The following ZNF462 variants were observed in gnomAD, a reference collection of about 807,000 sequenced individuals.
ZNF462 encodes zinc finger PBX1-interacting protein.
In ZNF462, 10 loss-of-function variants were observed where a neutral mutation model predicts 201.9. That is an observed-to-expected ratio of 0.05 (90% confidence interval 0.03 to 0.08). ZNF462 has a LOEUF of 0.08. ZNF462 is among the 10% of genes least tolerant of loss of function. The probability of loss-of-function intolerance (pLI) is 1.00; values close to 1 mark genes in which losing one functional copy is unlikely to be tolerated. For synonymous variants in ZNF462, 1,227 were observed against 1,193.3 expected (o/e 1.03, Z -0.58); for missense variants, 2,523 against 3,168.3 (o/e 0.80, Z 4.89).
intron 10 of ZNF462, among the ~76,000 whole-genome samples, chr9:107,002,033 C>T (rs549409314): frequency 1.3e-5 from 2 of 152,262 alleles, no homozygotes; most frequent in Admixed American, 1.3e-4. Context: ...ACATTTGTCA[C>T]AGTCGATAAT....
intron 10 of ZNF462, among the ~76,000 whole-genome samples, chr9:106,990,223 T>C (rs1308790252): frequency 1.3e-5 from 2 of 152,098 alleles, no homozygotes; most frequent in Non-Finnish European, 2.9e-5. Flanking sequence ...TGTATTTGCA[T>C]AGTTTTGAAG....
At chr9:106,888,230 A>G (rs924414672) in intron 1 of ZNF462, among the ~76,000 whole-genome samples, 5 of 150,548 alleles carry the variant, frequency 3.3e-5, no homozygotes, top group Non-Finnish European at 7.4e-5. Flanking sequence ...TTTAGTAGAG[A>G]CAGGGTTTCA....
Position 106,870,440 on chromosome 9 carries a change from C to T in ZNF462, c.-31+7085C>T, listed in dbSNP as rs139314530. 1.1e-3 allele frequency among the ~76,000 whole-genome samples: 166 copies of T among 152,262 alleles called. No individual in the cohort carries two copies. Among genetic ancestry groups the T allele is most frequent in the African/African-American group, 3.9e-3 (163 of 41,544 alleles). ...GCGCCTGTCCACATCTTACCCCCAA[C>T]CTTATTCAAAGAGTAGACCCTGTTC... is the stretch of plus-strand genomic sequence containing the variant. On this transcript the variant is annotated intron_variant, in intron 1 of 12. Coordinates refer to ENST00000277225, the MANE Select transcript of ZNF462 (RefSeq NM_021224.6). The surrounding 1 kb of genome is among the most constrained non-coding windows in gnomAD (Gnocchi z 4.3).
At chr9:106,989,950 CT>C (rs1828140994) in intron 10 of ZNF462, among the ~76,000 whole-genome samples, 1 of 151,970 alleles carries the variant, frequency 6.6e-6, no homozygotes, top group South Asian at 2.1e-4. Context: ...GTTAATCTTG[CT>C]AATGGTCTAT....
chr9:106,865,587 C>G lies in ZNF462; in HGVS notation c.-31+2232C>G, dbSNP rs192830671. Among the ~76,000 whole-genome samples the G allele has an allele frequency of 3.5e-3, 534 of 152,266 alleles. 3 individuals carry two copies. Among genetic ancestry groups the G allele is most frequent in the Middle Eastern group, 0.01 (3 of 294 alleles). On this transcript the variant is annotated intron_variant, in intron 1 of 12. Transcript: ENST00000277225. The surrounding 1 kb of genome is among the most constrained non-coding windows in gnomAD (Gnocchi z 4.1). ...CAGGTCGTTCCATTTGTATGTTAGGCCTTCTTTCAGTTTCTTTGTTTCCCC... is the reference window on the plus strand; with the variant it reads ...CAGGTCGTTCCATTTGTATGTTAGGGCTTCTTTCAGTTTCTTTGTTTCCCC...
intron 9 of ZNF462, among the ~76,000 whole-genome samples, chr9:106,980,249 A>T (rs1045364367): frequency 6.6e-6 from 1 of 152,130 alleles, no homozygotes; most frequent in Non-Finnish European, 1.5e-5. Flanking sequence ...TTTTGGGATG[A>T]TTTATATAAA....
chr9:106,922,660 A>G (rs1422808101), intron 1 of ZNF462, among the ~76,000 whole-genome samples: 1 of 152,216 alleles, frequency 6.6e-6, no homozygotes, highest in Non-Finnish European at 1.5e-5. Context: ...TTATGACCTA[A>G]TTAGATTGAA....
intron 1 of ZNF462, among the ~76,000 whole-genome samples, chr9:106,875,775 G>T (rs1376121201): frequency 6.6e-6 from 1 of 152,178 alleles, no homozygotes. Context: ...TTGTCATTTG[G>T]CAGGCTTCCC....
rs765359091 is a variant in ZNF462, at chr9:106,924,524, C to A, written c.612C>A (p.Asp204Glu). The A allele has an allele frequency of 6.2e-7, 1 of 1,614,018 alleles. No homozygotes were observed. Among genetic ancestry groups the A allele is most frequent in the Non-Finnish European group, 8.5e-7 (1 of 1,180,026 alleles). Reference sequence around the variant, plus strand: ...CACCTGCTCCTGCTCCAATGCCAGACCCTGTGGTTCCGCCCGTATCACTGC... The same window carrying A: ...CACCTGCTCCTGCTCCAATGCCAGAACCTGTGGTTCCGCCCGTATCACTGC... Reference protein sequence around the residue: ...APPPAPAPMPDPVVPPVSLQD... With the variant: ...APPPAPAPMPEPVVPPVSLQD... Residue 204 changes from aspartate to glutamate, a missense_variant, in exon 3 of 13, where the codon GAC becomes GAA. Physicochemically the swap from Asp to Glu is conservative, Grantham distance 45. Coordinates refer to ENST00000277225, the MANE Select transcript of ZNF462 (RefSeq NM_021224.6). This position sits in a 1 kb window ranked among gnomAD's most constrained non-coding sequence, Gnocchi z 6.2.
In ZNF462 at chr9:106,925,993, C is replaced by A; in HGVS notation, c.2081C>A (p.Thr694Asn). 6.2e-7 allele frequency: 1 copy of A among 1,614,098 alleles called. No homozygotes were observed. Among genetic ancestry groups the A allele is most frequent in the Non-Finnish European group, 8.5e-7 (1 of 1,180,016 alleles). The change falls in exon 3 of 13, where the codon ACC becomes AAC. Residue 694 changes from threonine (T) to asparagine (N), a missense_variant. This residue lies in a region of ZNF462 where 383 missense variants were observed against 453.4 expected (regional missense o/e 0.84). Coordinates refer to ENST00000277225, the MANE Select transcript of ZNF462 (RefSeq NM_021224.6). The surrounding 1 kb of genome is among the most constrained non-coding windows in gnomAD (Gnocchi z 7.9). Reference sequence around the variant, plus strand: ...GATTTGTCACCCGTGAAGAAGAGAACCAGGATTGACGAGATAGCAAGCAAC... The same window carrying A: ...GATTTGTCACCCGTGAAGAAGAGAAACAGGATTGACGAGATAGCAAGCAAC... ...PLDLSPVKKR[T>N]RIDEIASNLQ...
At chr9:106,903,285 A>G (rs1829138794) in intron 1 of ZNF462, among the ~76,000 whole-genome samples, 1 of 152,154 alleles carries the variant, frequency 6.6e-6, no homozygotes, top group African/African-American at 2.4e-5. Flanking sequence ...CTGTGGTCTG[A>G]GAGAGTGCTT....
rs367828269 is a variant in ZNF462, at chr9:106,932,131, G to A, written c.6013-315G>A. On this transcript the variant is annotated intron_variant, in intron 4 of 12. Transcript: ENST00000277225. This position sits in a 1 kb window ranked among gnomAD's most constrained non-coding sequence, Gnocchi z 6.8. Reference sequence around the variant, plus strand: ...CTCTCCCTCTAGGGGTAGCTGGAGAGGCAGGGGAGGAAGCTTTGACAAGAA... The same window carrying A: ...CTCTCCCTCTAGGGGTAGCTGGAGAAGCAGGGGAGGAAGCTTTGACAAGAA... The A allele has an allele frequency of 1.1e-4, 157 of 1,379,372 alleles. 1 individual carries two copies. In the African/African-American group the frequency reaches 2.0e-3, roughly 18 times the overall value. 85.4% of individuals were successfully genotyped at this position (1,379,372 alleles called of 1,614,324 possible). A position where few individuals can be genotyped will look rare whatever the true frequency, so the allele number is the denominator to read the frequency against.
At chr9:106,874,281 G>A (rs572936748) in intron 1 of ZNF462, among the ~76,000 whole-genome samples, 3 of 152,304 alleles carry the variant, frequency 2.0e-5, no homozygotes, top group Non-Finnish European at 4.4e-5. Flanking sequence ...GTAGGGCCTA[G>A]CATTCTAGGA....
chr9:107,013,481 T>G lies in ZNF462; in HGVS notation c.*2451T>G, dbSNP rs1043972949. ...TCCAGTAATCAGTGTTTCCCAATACTTCATAAGAGATAGGGAGACCCTGAG... is the reference window on the plus strand; with the variant it reads ...TCCAGTAATCAGTGTTTCCCAATACGTCATAAGAGATAGGGAGACCCTGAG... On this transcript the variant is annotated 3_prime_UTR_variant, in exon 13 of 13. Transcript: ENST00000277225. 6.6e-6 allele frequency: 1 copy of G among 152,164 alleles called. No individual in the cohort carries two copies. Among genetic ancestry groups the G allele is most frequent in the East Asian group, 1.9e-4 (1 of 5,200 alleles). The allele number at this position is 152,164 out of a possible 1,614,324, so 9.4% of individuals were successfully genotyped here.
chr9:106,933,775 G>A lies in ZNF462; in HGVS notation c.6116+1226G>A, dbSNP rs1830517339. On this transcript the variant is annotated intron_variant, in intron 5 of 12. Coordinates refer to ENST00000277225, the MANE Select transcript of ZNF462 (RefSeq NM_021224.6). This position sits in a 1 kb window ranked among gnomAD's most constrained non-coding sequence, Gnocchi z 4.3. ...GAGTCAGGAAGGTTTTATGGCATAA[G>A]GAGCATTTGGGTGAAGTCTTAAAGT... Among the ~76,000 whole-genome samples the A allele has an allele frequency of 6.6e-6, 1 of 152,128 alleles. No individual in the cohort carries two copies.
chr9:106,895,364 T>C lies in ZNF462; in HGVS notation c.-30-27990T>C, dbSNP rs954911872. ...CTCCCTTCTAAATATCATGTAGGCTTGACCCCTCCTCTTCATCCCCAGTGC... is the reference window on the plus strand; with the variant it reads ...CTCCCTTCTAAATATCATGTAGGCTCGACCCCTCCTCTTCATCCCCAGTGC... On this transcript the variant is annotated intron_variant, in intron 1 of 12. Coordinates refer to ENST00000277225, the MANE Select transcript of ZNF462 (RefSeq NM_021224.6). The surrounding 1 kb of genome is among the most constrained non-coding windows in gnomAD (Gnocchi z 4.4). Among the ~76,000 whole-genome samples, 1 of 152,146 alleles carries C rather than the reference T, an allele frequency of 6.6e-6. No homozygotes were observed. The highest frequency in any genetic ancestry group is 1.5e-5 in the Non-Finnish European group (1 of 68,030).
rs35407666 is a variant in ZNF462, at chr9:106,913,605, CT to C, written c.-30-9737del. 0.19 allele frequency among the ~76,000 whole-genome samples: 25,152 copies of C among 135,760 alleles called. 3,657 individuals carry two copies. Among genetic ancestry groups the C allele is most frequent in the African/African-American group, 0.36 (14,325 of 39,826 alleles). The allele number at this position is 135,760 out of a possible 152,430, so 89.1% of individuals were successfully genotyped here. A position where few individuals can be genotyped will look rare whatever the true frequency, so the allele number is the denominator to read the frequency against. Reference sequence around the variant, plus strand: ...CAGAGGTCACATGCTAAAGACTTAACTTTTTTTTTTTTGAGACAATCTCATT... The same window carrying C: ...CAGAGGTCACATGCTAAAGACTTAACTTTTTTTTTTTGAGACAATCTCATT... On this transcript the variant is annotated intron_variant, in intron 1 of 12. Transcript: ENST00000277225. The surrounding 1 kb of genome is among the most constrained non-coding windows in gnomAD (Gnocchi z 4.1).
Position 106,917,238 on chromosome 9 carries a change from T to A in ZNF462, c.-30-6116T>A, listed in dbSNP as rs1005302009. Among the ~76,000 whole-genome samples the A allele has an allele frequency of 6.6e-6, 1 of 152,258 alleles. No individual in the cohort carries two copies. Among genetic ancestry groups the A allele is most frequent in the Non-Finnish European group, 1.5e-5 (1 of 68,040 alleles). Reference sequence around the variant, plus strand: ...TACATCCCTAGATGCTCATTTCATTTTAATGATGATTCCAAAGGTATCTAT... The same window carrying A: ...TACATCCCTAGATGCTCATTTCATTATAATGATGATTCCAAAGGTATCTAT... On this transcript the variant is annotated intron_variant, in intron 1 of 12. Coordinates refer to ENST00000277225, the MANE Select transcript of ZNF462 (RefSeq NM_021224.6). This position sits in a 1 kb window ranked among gnomAD's most constrained non-coding sequence, Gnocchi z 4.5.
chr9:106,953,513 G>T (rs866089866), intron 7 of ZNF462, among the ~76,000 whole-genome samples: 1 of 152,058 alleles, frequency 6.6e-6, no homozygotes, highest in East Asian at 1.9e-4. Flanking sequence ...CTCTTCCCTT[G>T]GTTTTGGTCT....
Sources: gnomAD v4.1 joint callset for allele counts (sites outside exome capture counted in the v4.1 genomes callset) on GRCh38, gnomAD v4.1.1 for gene constraint, gnomAD v4.1.1 regional missense constraint, Gnocchi (gnomAD v3.1) non-coding constraint, MANE v1.5 for transcripts, NCBI Gene and HGNC (gene_info 2026-07-23, HGNC 2026-07-21) for gene names.